The following GPC3 variants were observed in gnomAD, a reference collection of about 807,000 sequenced individuals.
GPC3 encodes the protein glypican 3.
Under a neutral mutation model 34.4 loss-of-function variants are expected in GPC3, and 3 were observed. The observed-to-expected ratio is 0.09, with a 90% confidence interval of 0.04 to 0.23. GPC3 has a LOEUF of 0.23. Ranked by LOEUF, GPC3 falls within the 10% of genes least tolerant of loss-of-function variation. The pLI, the probability that GPC3 is intolerant of heterozygous loss-of-function variation, is 1.00. For synonymous variants in GPC3, 177 were observed against 174.0 expected (o/e 1.02, Z -0.13); for missense variants, 351 against 445.6 (o/e 0.79, Z 1.91).
intron 3 of GPC3, among the ~76,000 whole-genome samples, chrX:133,743,227 A>T (rs1366905272): frequency 8.9e-6 from 1 of 112,855 alleles, no homozygotes; most frequent in East Asian, 2.8e-4. Flanking sequence ...AAAGGCTGCA[A>T]CATGCTGGAA....
At chrX:133,585,723 C>T (rs2069781952) in intron 7 of GPC3, among the ~76,000 whole-genome samples, 1 of 111,279 alleles carries the variant, frequency 9.0e-6, no homozygotes, top group Non-Finnish European at 1.9e-5. Flanking sequence ...CTCTACTTTC[C>T]CACCAGCTGA....
At chrX:133,904,226 G>A (rs1201582750) in intron 2 of GPC3, among the ~76,000 whole-genome samples, 1 of 111,203 alleles carries the variant, frequency 9.0e-6, no homozygotes, top group African/African-American at 3.3e-5. Context: ...TTTTTTCTTT[G>A]AAATCTGGGA....
chrX:133,805,534 C>G lies in GPC3; in HGVS notation c.338-51358G>C, dbSNP rs779553763. 6.2e-5 allele frequency among the ~76,000 whole-genome samples: 7 copies of G among 112,124 alleles called. No homozygotes were observed. The South Asian group carries it at 2.6e-3, about 42-fold the overall frequency. ...GCCTTACCATACACAATTCCCTATA[C>G]TGAATTACAACATGACAATGGTGAT... is the stretch of plus-strand genomic sequence containing the variant. On this transcript the variant is annotated intron_variant, in intron 2 of 7. Coordinates refer to ENST00000370818, the MANE Select transcript of GPC3 (RefSeq NM_004484.4).
chrX:133,826,302 T>G (rs1217456725), intron 2 of GPC3, among the ~76,000 whole-genome samples: 1 of 111,890 alleles, frequency 8.9e-6, no homozygotes, highest in African/African-American at 3.2e-5. Flanking sequence ...AAGGTAAGTA[T>G]CAGAATAATG....
In GPC3 at chrX:133,932,021, C is replaced by T. The variant is rs1449871486; in HGVS notation, c.337+21029G>A. ...GATTCTAAAACACACTGGAGGACTG[C>T]TTCCTTCTGCTCAAGGTAAAAATTG... is the stretch of plus-strand genomic sequence containing the variant. On this transcript the variant is annotated intron_variant, in intron 2 of 7. Transcript: ENST00000370818. Among the ~76,000 whole-genome samples, 4 of 112,228 alleles carry T rather than the reference C, an allele frequency of 3.6e-5. No individual in the cohort carries two copies. In the East Asian group the frequency reaches 1.1e-3, roughly 31 times the overall value.
intron 7 of GPC3, among the ~76,000 whole-genome samples, chrX:133,585,484 C>T (rs1219265215): frequency 1.8e-5 from 2 of 111,335 alleles, no homozygotes; most frequent in African/African-American, 6.5e-5. Context: ...CCTAGGAGAT[C>T]ATTGTTTATC....
chrX:133,761,510 A>C (rs1464834794), intron 2 of GPC3, among the ~76,000 whole-genome samples: 1 of 112,321 alleles, frequency 8.9e-6, no homozygotes, highest in Non-Finnish European at 1.9e-5. Flanking sequence ...TACAATGTAC[A>C]TCAATGAGGA....
chrX:133,628,729 A>G (rs1173609744), intron 6 of GPC3, among the ~76,000 whole-genome samples: 2 of 111,277 alleles, frequency 1.8e-5, no homozygotes, highest in African/African-American at 6.5e-5. Context: ...GATTATAAAC[A>G]TTACTAAAGA....
chrX:133,872,436 G>A (rs1042368419), intron 2 of GPC3, among the ~76,000 whole-genome samples: 6 of 111,466 alleles, frequency 5.4e-5, no homozygotes, highest in South Asian at 3.8e-4. Flanking sequence ...TGTAACTTAC[G>A]GTCCTGTGGA....
chrX:133,657,032 C>T (rs896331506), intron 6 of GPC3, among the ~76,000 whole-genome samples: 2 of 111,889 alleles, frequency 1.8e-5, no homozygotes, highest in African/African-American at 6.5e-5. Context: ...GACATTTCAA[C>T]GATCCCAAAC....
In GPC3 at chrX:133,877,738, T is replaced by TA. The variant is rs747737428; in HGVS notation, c.337+75311dup. Among the ~76,000 whole-genome samples, 19 of 112,079 alleles carry TA rather than the reference T, an allele frequency of 1.7e-4. No homozygotes were observed. The East Asian group carries it at 4.2e-3, about 25-fold the overall frequency. ...TCATGTAACGAAGGCTATACAGCCA[T>TA]AAAAAAATAGGTTTTATAAAAAATT... is the stretch of plus-strand genomic sequence containing the variant. On this transcript the variant is annotated intron_variant, in intron 2 of 7. Transcript: ENST00000370818.
rs937444629 is a variant in GPC3 at position 133,652,692 on chromosome X, T to C, written c.1413+9038A>G. Reference sequence around the variant, plus strand: ...CAGAATTTGGAAACATTTTTTGCTATGTGTCAAATAAATCTACAGTTGAAC... The same window carrying C: ...CAGAATTTGGAAACATTTTTTGCTACGTGTCAAATAAATCTACAGTTGAAC... On this transcript the variant is annotated intron_variant, in intron 6 of 7. Coordinates refer to ENST00000370818, the MANE Select transcript of GPC3 (RefSeq NM_004484.4). Among the ~76,000 whole-genome samples the C allele has an allele frequency of 3.6e-5, 4 of 111,785 alleles. No homozygotes were observed. In the South Asian group the frequency reaches 1.5e-3, roughly 42 times the overall value.
intron 2 of GPC3, among the ~76,000 whole-genome samples, chrX:133,865,195 A>T (rs1472824807): frequency 8.9e-6 from 1 of 112,238 alleles, no homozygotes; most frequent in Non-Finnish European, 1.9e-5. Context: ...CTGTCATCAA[A>T]AATTCAAGCC....
Position 133,617,841 on chromosome X carries a change from C to G in GPC3, c.1414-21242G>C, listed in dbSNP as rs1569397460. On this transcript the variant is annotated intron_variant, in intron 6 of 7. Transcript: ENST00000370818. ...GTCTCGCTATGTTGCCCAGGCTGGT[C>G]TCCAACTCCTGTGCTCAAGCAATCC... Among the ~76,000 whole-genome samples the G allele has an allele frequency of 2.7e-5, 3 of 111,264 alleles. No homozygotes were observed. In the Admixed American group the frequency reaches 2.9e-4, roughly 11 times the overall value.
At chrX:133,659,439 G>C (rs1009571564) in intron 6 of GPC3, among the ~76,000 whole-genome samples, 2 of 111,577 alleles carry the variant, frequency 1.8e-5, no homozygotes, top group Non-Finnish European at 3.8e-5. Context: ...TCCCTTGCTT[G>C]TCTTTACCTA....
chrX:133,747,891 T>G (rs759191779), intron 3 of GPC3, among the ~76,000 whole-genome samples: 2 of 112,195 alleles, frequency 1.8e-5, no homozygotes, highest in Non-Finnish European at 3.8e-5. Flanking sequence ...CTACACAATA[T>G]TCAAGGAAGC....
chrX:133,820,486 G>T (rs1257365300), intron 2 of GPC3, among the ~76,000 whole-genome samples: 1 of 111,606 alleles, frequency 9.0e-6, no homozygotes, highest in Admixed American at 9.5e-5. Flanking sequence ...TTGAGTGGCA[G>T]TAAAATTTGA....
intron 2 of GPC3, among the ~76,000 whole-genome samples, chrX:133,936,522 G>C (rs148557001): frequency 9.0e-6 from 1 of 111,216 alleles, no homozygotes; most frequent in African/African-American, 3.3e-5. Context: ...TGCTAACAAC[G>C]GCTTGTGAAA....
intron 2 of GPC3, among the ~76,000 whole-genome samples, chrX:133,901,912 C>G (rs771138017): frequency 3.6e-4 from 40 of 112,209 alleles, no homozygotes; most frequent in African/African-American, 1.2e-3. Flanking sequence ...TACTATCTCC[C>G]AATTTCTAGA....
Sources: allele counts gnomAD v4.1 joint callset (sites outside exome capture counted in the v4.1 genomes callset), GRCh38; gene constraint gnomAD v4.1.1; transcripts MANE v1.5; gene names NCBI Gene and HGNC (gene_info 2026-07-23, HGNC 2026-07-21).